Variants in CDC20B observed in about 807,000 individuals in gnomAD.
CDC20B encodes cell division cycle protein 20 homolog B.
In CDC20B, 58 loss-of-function variants were observed where a neutral mutation model predicts 64.1. The observed-to-expected ratio is 0.90, with a 90% CI of 0.73 to 1.13. The LOEUF (loss-of-function observed/expected upper bound fraction) is 1.13, where lower values mean the gene tolerates loss of function less well. CDC20B is among the 50% of genes most tolerant of loss of function. CDC20B has a pLI of 0.00. For missense variants in CDC20B, 597 were observed against 633.0 expected (o/e 0.94, Z 0.61); for synonymous variants, 243 against 230.6 (o/e 1.05, Z -0.49).
chr5:55,127,048 G>A (rs1742909896), intron 8 of CDC20B, among the ~76,000 whole-genome samples: 1 of 152,002 alleles, frequency 6.6e-6, no homozygotes, highest in African/African-American at 2.4e-5. Context: ...CATGCAGAAG[G>A]CACACATGAT....
intron 2 of CDC20B, among the ~76,000 whole-genome samples, chr5:55,147,382 T>C (rs935022007): frequency 7.0e-6 from 1 of 143,268 alleles, no homozygotes; most frequent in Non-Finnish European, 1.5e-5. Context: ...TGTTATGTTT[T>C]ATATATTTAT....
At position 55,156,142 on chromosome 5, in the gene CDC20B, T is replaced by C. The variant is rs187674729; in HGVS notation, c.127-9286A>G. 4.8e-3 allele frequency among the ~76,000 whole-genome samples: 725 copies of C among 152,316 alleles called. 7 individuals are homozygous for C. Among genetic ancestry groups the C allele is most frequent in the African/African-American group, 0.016 (683 of 41,570 alleles). On this transcript the variant is annotated intron_variant, in intron 2 of 11. Coordinates refer to ENST00000381375, the MANE Select transcript of CDC20B (RefSeq NM_001170402.1). The stretch of plus-strand genomic sequence containing the variant: ...CATGGCAGCAGGCAAAAGCTTGTGC[T>C]GAAGAACTCCCATTTATAAAACCAT...
At position 55,131,112 on chromosome 5, in the gene CDC20B, GAC is replaced by G. The variant is rs568390927; in HGVS notation, c.697+2298_697+2299del. On this transcript the variant is annotated intron_variant, in intron 6 of 11. Coordinates refer to ENST00000381375, the MANE Select transcript of CDC20B (RefSeq NM_001170402.1). Reference sequence around the variant, plus strand: ...TGAACCACTGCACTCCAGCCTGGGTGACAGAGTGAAAACCTCCCTCAAAACCT... The same window carrying G: ...TGAACCACTGCACTCCAGCCTGGGTGAGAGTGAAAACCTCCCTCAAAACCT... Among the ~76,000 whole-genome samples, 392 of 152,238 alleles carry G rather than the reference GAC, an allele frequency of 2.6e-3. 2 individuals carry two copies. The highest frequency in any genetic ancestry group is 8.8e-3 in the African/African-American group (366 of 41,556).
At chr5:55,151,278 T>A (rs908416831) in intron 2 of CDC20B, among the ~76,000 whole-genome samples, 10 of 152,210 alleles carry the variant, frequency 6.6e-5, no homozygotes, top group African/African-American at 2.4e-4. Flanking sequence ...AGTGTTCAAC[T>A]GATTCTAATT....
At chr5:55,169,686 C>T (rs1297770129) in intron 2 of CDC20B, among the ~76,000 whole-genome samples, 1 of 152,134 alleles carries the variant, frequency 6.6e-6, no homozygotes, top group African/African-American at 2.4e-5. Context: ...AAAAAATCCC[C>T]AATATTCTTG....
Position 55,172,603 on chromosome 5 carries a change from ACTTCT to A in CDC20B, c.106_110del (p.Arg36SerfsTer11), listed in dbSNP as rs137940833. The A allele has an allele frequency of 1.8e-3, 2,864 of 1,613,432 alleles. 44 individuals carry two copies. The African/African-American group carries it at 0.034, about 19-fold the overall frequency. On this transcript the variant is annotated frameshift_variant, in exon 2 of 12. Transcript: ENST00000381375. LOFTEE classifies it high-confidence loss of function. ...CTGGACTCACGTTGGCGGAATCTTG[ACTTCT>A]CTTCTGCTTCAAGTCTTTGGAGAGC...
At chr5:55,152,534 A>C (rs990314064) in intron 2 of CDC20B, among the ~76,000 whole-genome samples, 3 of 152,208 alleles carry the variant, frequency 2.0e-5, no homozygotes, top group African/African-American at 4.8e-5. Flanking sequence ...TAATTTTAGC[A>C]AGGATATAGA....
In CDC20B at chr5:55,173,149, AG is replaced by A. The variant is rs1744682197; in HGVS notation, c.-150del. 1 of 638,650 alleles carries A rather than the reference AG, an allele frequency of 1.6e-6. No homozygotes were observed. The highest frequency in any genetic ancestry group is 2.8e-5 in the East Asian group (1 of 35,094). The allele number at this position is 638,650 out of a possible 1,614,324, so 39.6% of individuals were successfully genotyped here. A position where few individuals can be genotyped will look rare whatever the true frequency, so the allele number is the denominator to read the frequency against. The stretch of plus-strand genomic sequence containing the variant: ...CCATTCTATTTCACCACCTCCCTCC[AG>A]GTCCCCCACTCCTCCCACCGCCGCT... On this transcript the variant is annotated 5_prime_UTR_variant, in exon 1 of 12. Coordinates refer to ENST00000381375, the MANE Select transcript of CDC20B (RefSeq NM_001170402.1).
intron 5 of CDC20B, chr5:55,136,881 G>A (rs925226125): frequency 6.6e-6 from 1 of 152,024 alleles, no homozygotes; most frequent in Non-Finnish European, 1.5e-5. Flanking sequence ...AAACACATGG[G>A]GCTCAGGGTC....
At chr5:55,156,405 A>G (rs1045264901) in intron 2 of CDC20B, among the ~76,000 whole-genome samples, 12 of 152,216 alleles carry the variant, frequency 7.9e-5, no homozygotes, top group African/African-American at 2.9e-4. Context: ...AAACAGTTTC[A>G]TGAAGTTGAA....
intron 2 of CDC20B, chr5:55,160,329 G>C: frequency 6.2e-7 from 1 of 1,613,834 alleles, no homozygotes; most frequent in Non-Finnish European, 8.5e-7. Context: ...AAAATCAACA[G>C]CTTTTATGCC....
Position 55,114,440 on chromosome 5 carries a change from C to CA in CDC20B, c.1460-123dup. 6.8e-7 allele frequency: 1 copy of CA among 1,463,698 alleles called. No homozygotes were observed. The highest frequency in any genetic ancestry group is 9.1e-7 in the Non-Finnish European group (1 of 1,104,892). 90.7% of individuals were successfully genotyped at this position (1,463,698 alleles called of 1,614,324 possible). A position where few individuals can be genotyped will look rare whatever the true frequency, so the allele number is the denominator to read the frequency against. On this transcript the variant is annotated intron_variant, in intron 11 of 11. Transcript: ENST00000381375. This position sits in a 1 kb window ranked among gnomAD's most constrained non-coding sequence, Gnocchi z 4.1. ...CCAGGATAAAGGGCTTTCCCACACC[C>CA]ACCAGGTTCAGAGCTGCCACCAACT...
intron 2 of CDC20B, among the ~76,000 whole-genome samples, chr5:55,149,014 T>G (rs1482393469): frequency 2.0e-5 from 3 of 152,224 alleles, no homozygotes; most frequent in Non-Finnish European, 4.4e-5. Flanking sequence ...GCATTTTACA[T>G]GTTTGTAAGT....
chr5:55,153,487 T>C lies in CDC20B; in HGVS notation c.127-6631A>G, dbSNP rs77030260. Among the ~76,000 whole-genome samples the C allele has an allele frequency of 3.5e-3, 529 of 152,230 alleles. 5 individuals carry two copies. The highest frequency in any genetic ancestry group is 0.012 in the African/African-American group (500 of 41,536). The stretch of plus-strand genomic sequence containing the variant: ...AGAAAAATACATGCCCCCTGATAGA[T>C]ATATGTATTATTTTTCATGGTTCTC... On this transcript the variant is annotated intron_variant, in intron 2 of 11. Coordinates refer to ENST00000381375, the MANE Select transcript of CDC20B (RefSeq NM_001170402.1).
In CDC20B at chr5:55,173,037, T is replaced by C. The variant is rs1054961596; in HGVS notation, c.-37A>G. On this transcript the variant is annotated 5_prime_UTR_variant, in exon 1 of 12. Transcript: ENST00000381375. ...TTCGCCCTGCCTGGCGTTTGGCCTC[T>C]CTGCTCGACTGCCTCTGGTTTTCTT... is the stretch of plus-strand genomic sequence containing the variant. 24 of 1,575,702 alleles carry C rather than the reference T, an allele frequency of 1.5e-5. No homozygotes were observed. Among genetic ancestry groups the C allele is most frequent in the Non-Finnish European group, 2.0e-5 (23 of 1,154,082 alleles).
chr5:55,127,376 A>ATGTAGCATTGGAGTTTTCACAGCC, intron 7 of CDC20B, 25 bp from the exon 8 acceptor site: 1 of 1,592,370 alleles, frequency 6.3e-7, no homozygotes, highest in Non-Finnish European at 8.6e-7. Flanking sequence ...AAGGAGAGTT[A>ATGTAGCATTGGAGTTTTCACAGCC]TGTAGCATTG....
chr5:55,154,308 C>A (rs1035150920), intron 2 of CDC20B, among the ~76,000 whole-genome samples: 10 of 152,050 alleles, frequency 6.6e-5, no homozygotes, highest in South Asian at 6.2e-4. Context: ...TCACTTGAGG[C>A]CAGGAGTTCC....
At chr5:55,160,815 C>A in intron 2 of CDC20B, 1 of 597,236 alleles carries the variant, frequency 1.7e-6, no homozygotes. Context: ...TATTTCAGGG[C>A]CTTAACCCAG....
intron 2 of CDC20B, among the ~76,000 whole-genome samples, chr5:55,153,397 A>G (rs1165377555): frequency 6.6e-6 from 1 of 152,238 alleles, no homozygotes; most frequent in Non-Finnish European, 1.5e-5. Flanking sequence ...AATAAAACCC[A>G]GAGTAATGAC....
Sources: gnomAD v4.1 joint callset for allele counts (sites outside exome capture counted in the v4.1 genomes callset) on GRCh38, gnomAD v4.1.1 for gene constraint, Gnocchi (gnomAD v3.1) non-coding constraint, MANE v1.5 for transcripts, NCBI Gene and HGNC (gene_info 2026-07-23, HGNC 2026-07-21) for gene names.